Variants in SESN3 observed in about 807,000 individuals in gnomAD.
The protein encoded by SESN3 is sestrin-3.
SESN3 carries 21 observed loss-of-function variants against 55.3 expected under a neutral mutation model. The ratio of observed to expected loss-of-function variants is 0.38; its 90% CI spans 0.27 to 0.55. SESN3 has a LOEUF of 0.55. SESN3 is among the 20% of genes least tolerant of loss of function. The pLI is 0.76. For synonymous variants in SESN3, 181 were observed against 203.1 expected, an observed-to-expected ratio of 0.89 and a Z score of 0.93; for missense variants, 408 against 604.3, an observed-to-expected ratio of 0.68 and a Z score of 3.41.
intron 1 of SESN3, among the ~76,000 whole-genome samples, chr11:95,204,243 C>T (rs764834576): frequency 1.3e-5 from 2 of 151,820 alleles, no homozygotes; most frequent in African/African-American, 2.4e-5. Flanking sequence ...TCTGCTTTTG[C>T]GTTACTTGAA....
At chr11:95,178,004 C>A in intron 7 of SESN3, 95 bp from the exon 8 acceptor site, 1 of 864,102 alleles carries the variant, frequency 1.2e-6, no homozygotes, top group Non-Finnish European at 1.7e-6. Flanking sequence ...GTAAGCGAGG[C>A]TATTTCTAAT....
chr11:95,209,874 G>C (rs565802970), intron 1 of SESN3, among the ~76,000 whole-genome samples: 2 of 150,418 alleles, frequency 1.3e-5, no homozygotes, highest in Admixed American at 6.6e-5. Flanking sequence ...AAAATCAGCC[G>C]GGTGTGGTGG....
chr11:95,190,033 A>G, intron 3 of SESN3, 72 bp from the exon 4 acceptor site: 1 of 1,131,450 alleles, frequency 8.8e-7, no homozygotes, highest in South Asian at 1.7e-5. Flanking sequence ...TTCTAAACAA[A>G]TAATTCAGAT....
intron 1 of SESN3, among the ~76,000 whole-genome samples, chr11:95,200,108 CT>C (rs1860434201): frequency 6.6e-6 from 1 of 152,008 alleles, no homozygotes; most frequent in Admixed American, 6.6e-5. Context: ...GTTTTTGACC[CT>C]CCTTTTATTG....
Position 95,231,164 on chromosome 11 carries a change from G to GCTGCCA in SESN3, c.-310_-305dup, listed in dbSNP as rs1327504210. On this transcript the variant is annotated 5_prime_UTR_variant, in exon 1 of 10. Coordinates refer to ENST00000536441, the MANE Select transcript of SESN3 (RefSeq NM_144665.4). Reference sequence around the variant, plus strand: ...CAGGCTAGGACGAGCAGCCGCCACCGCTGCCACCGCCACCACCGCCGCCGC... The same window carrying GCTGCCA: ...CAGGCTAGGACGAGCAGCCGCCACCGCTGCCACTGCCACCGCCACCACCGCCGCCGC... 13 of 245,608 alleles carry GCTGCCA rather than the reference G, an allele frequency of 5.3e-5. No individual in the cohort carries two copies. The highest frequency in any genetic ancestry group is 1.2e-4 in the East Asian group (2 of 17,158). 15.2% of individuals were successfully genotyped at this position (245,608 alleles called of 1,614,324 possible). A position where few individuals can be genotyped will look rare whatever the true frequency, so the allele number is the denominator to read the frequency against.
intron 1 of SESN3, among the ~76,000 whole-genome samples, chr11:95,198,271 C>T (rs1331183006): frequency 6.6e-6 from 1 of 151,318 alleles, no homozygotes; most frequent in African/African-American, 2.4e-5. Flanking sequence ...GAGAAGATAC[C>T]GCATAAAAAT....
In SESN3 at chr11:95,175,485, C is replaced by T. The variant is rs1334048314; in HGVS notation, c.1392+13G>A. The T allele has an allele frequency of 1.2e-6, 2 of 1,610,906 alleles. No individual in the cohort carries two copies. The highest frequency in any genetic ancestry group is 1.7e-4 in the Middle Eastern group (1 of 6,052). On this transcript the variant is annotated intron_variant, in intron 9 of 9. Transcript: ENST00000536441. ...ACTGTCTATGGTATAATGCTTAATA[C>T]TGAAACACGTACTTTTTCTGAGTGT...
At position 95,185,299 on chromosome 11, in the gene SESN3, T is replaced by A; in HGVS notation, c.719A>T (p.Asp240Val). Residue 240 changes from aspartate to valine, a missense_variant, in exon 5 of 10, where the codon GAC becomes GTC. Asp to Val is a radical substitution (Grantham distance 152, BLOSUM62 -3). Transcript: ENST00000536441. ...NNFCVCDLAN[D>V]NNIENASLSG... ...AAGAGATGCATTCTCTATGTTGTTG[T>A]CATTAGCAAGATCACAAACGCAGAA... The A allele has an allele frequency of 1.2e-6, 2 of 1,613,008 alleles. No homozygotes were observed. Among genetic ancestry groups the A allele is most frequent in the Non-Finnish European group, 1.7e-6 (2 of 1,179,160 alleles).
intron 1 of SESN3, among the ~76,000 whole-genome samples, chr11:95,229,576 T>C (rs1178707902): frequency 6.6e-6 from 1 of 152,176 alleles, no homozygotes; most frequent in Non-Finnish European, 1.5e-5. Context: ...ACAACTTTGA[T>C]TGGCACTTGG....
chr11:95,186,228 G>GTGTGTGTGTGTGTA (rs1860163256), intron 4 of SESN3, among the ~76,000 whole-genome samples: 1 of 150,250 alleles, frequency 6.7e-6, no homozygotes. Context: ...GTGTGTGTGT[G>GTGTGTGTGTGTGTA]TGTGTGTGTG....
Position 95,167,835 on chromosome 11 carries a change from C to T in SESN3, c.*5420G>A, listed in dbSNP as rs1413559453. 1.3e-5 allele frequency: 2 copies of T among 152,230 alleles called. No individual in the cohort carries two copies. Among genetic ancestry groups the T allele is most frequent in the Admixed American group, 6.5e-5 (1 of 15,272 alleles). 9.4% of individuals were successfully genotyped at this position (152,230 alleles called of 1,614,324 possible). A position where few individuals can be genotyped will look rare whatever the true frequency, so the allele number is the denominator to read the frequency against. On this transcript the variant is annotated 3_prime_UTR_variant, in exon 10 of 10. Transcript: ENST00000536441. ...TATGAACAACCTCAAGTGCACCTAGCTGGAGAGAAGAACTATTACATCTTC... is the reference window on the plus strand; with the variant it reads ...TATGAACAACCTCAAGTGCACCTAGTTGGAGAGAAGAACTATTACATCTTC...
chr11:95,204,971 A>T (rs1469459126), intron 1 of SESN3: 1 of 152,226 alleles, frequency 6.6e-6, no homozygotes, highest in Admixed American at 6.5e-5. Context: ...GGGAGTAACC[A>T]AAACAGGAAA....
At chr11:95,187,035 A>C (rs1860181810) in intron 4 of SESN3, among the ~76,000 whole-genome samples, 1 of 151,872 alleles carries the variant, frequency 6.6e-6, no homozygotes, top group Non-Finnish European at 1.5e-5. Flanking sequence ...TGACATTTTG[A>C]CATGTTCATT....
chr11:95,228,205 T>C (rs1860983732), intron 1 of SESN3, among the ~76,000 whole-genome samples: 1 of 152,230 alleles, frequency 6.6e-6, no homozygotes, highest in Non-Finnish European at 1.5e-5. Flanking sequence ...TATTATTTCA[T>C]TTGAAGGTGA....
intron 1 of SESN3, among the ~76,000 whole-genome samples, chr11:95,209,890 A>C (rs975601803): frequency 1.0e-4 from 15 of 150,160 alleles, no homozygotes; most frequent in African/African-American, 3.7e-4. Flanking sequence ...GGTGGTGTGC[A>C]CCTGTAGTCC....
At chr11:95,185,011 G>A (rs1393227403) in intron 5 of SESN3, among the ~76,000 whole-genome samples, 1 of 151,920 alleles carries the variant, frequency 6.6e-6, no homozygotes, top group Admixed American at 6.6e-5. Context: ...AACATTAAAA[G>A]CCTATGATCA....
rs11021074 is a variant in SESN3 at position 95,203,147 on chromosome 11, T to C, written c.79-9625A>G. 3.9e-5 allele frequency among the ~76,000 whole-genome samples: 6 copies of C among 152,242 alleles called. No homozygotes were observed. In the East Asian group the frequency reaches 9.7e-4, roughly 24 times the overall value. ...TATTCAGCATCTACCAGCTTGACTA[T>C]AGTATTATAAAATCAAAAGGCTTTA... On this transcript the variant is annotated intron_variant, in intron 1 of 9. Transcript: ENST00000536441.
At position 95,169,506 on chromosome 11, in the gene SESN3, T is replaced by C. The variant is rs1379042284; in HGVS notation, c.*3749A>G. 6.6e-6 allele frequency: 1 copy of C among 152,228 alleles called. No individual in the cohort carries two copies. Among genetic ancestry groups the C allele is most frequent in the East Asian group, 1.9e-4 (1 of 5,208 alleles). The allele number at this position is 152,228 out of a possible 1,614,324, so 9.4% of individuals were successfully genotyped here. A position where few individuals can be genotyped will look rare whatever the true frequency, so the allele number is the denominator to read the frequency against. On this transcript the variant is annotated 3_prime_UTR_variant, in exon 10 of 10. Coordinates refer to ENST00000536441, the MANE Select transcript of SESN3 (RefSeq NM_144665.4). The stretch of plus-strand genomic sequence containing the variant: ...AGCAGTTCTATTAAAGAGAAGAATT[T>C]AAGGTCTTGCTTTCCAGAGAAATGA...
At position 95,231,155 on chromosome 11, in the gene SESN3, G is replaced by GCCGCCACCGCTGCCA. The variant is rs1367720498; in HGVS notation, c.-310_-296dup. 51 of 328,962 alleles carry GCCGCCACCGCTGCCA rather than the reference G, an allele frequency of 1.6e-4. 1 individual carries two copies. In the Middle Eastern group the frequency reaches 2.2e-3, roughly 14 times the overall value. 20.4% of individuals were successfully genotyped at this position (328,962 alleles called of 1,614,324 possible). ...CGCCCCCGCCAGGCTAGGACGAGCA[G>GCCGCCACCGCTGCCA]CCGCCACCGCTGCCACCGCCACCAC... is the stretch of plus-strand genomic sequence containing the variant. On this transcript the variant is annotated 5_prime_UTR_variant, in exon 1 of 10. Coordinates refer to ENST00000536441, the MANE Select transcript of SESN3 (RefSeq NM_144665.4).
Sources: gnomAD v4.1 joint callset for allele counts (sites outside exome capture counted in the v4.1 genomes callset) on GRCh38, gnomAD v4.1.1 for gene constraint, MANE v1.5 for transcripts, NCBI Gene and HGNC (gene_info 2026-07-23, HGNC 2026-07-21) for gene names.